Variants in PRKCQ observed in about 807,000 individuals in gnomAD.
PRKCQ encodes the protein protein kinase C theta type.
Under a neutral mutation model 91.2 loss-of-function variants are expected in PRKCQ, and 41 were observed. The observed-to-expected ratio is 0.45, with a 90% CI of 0.35 to 0.58. The LOEUF is 0.58. Among genes scored for constraint, PRKCQ ranks in the 20% least tolerant of loss-of-function variants. The pLI is 0.00. For missense variants in PRKCQ, 673 were observed against 896.5 expected (o/e 0.75, Z 3.18); for synonymous variants, 307 against 316.9 (o/e 0.97, Z 0.33).
At chr10:6,479,228 G>C in intron 11 of PRKCQ, 63 bp from the exon 12 acceptor site, 2 of 1,574,704 alleles carry the variant, frequency 1.3e-6, no homozygotes, top group Admixed American at 3.4e-5. Context: ...TTAAAAAAGA[G>C]ACAGAGTCCT....
chr10:6,514,376 A>G (rs1011752810), intron 2 of PRKCQ, among the ~76,000 whole-genome samples: 3 of 152,090 alleles, frequency 2.0e-5, no homozygotes, highest in African/African-American at 7.2e-5. Context: ...CATTCCCTAC[A>G]CATAAGACTG....
At chr10:6,498,252 C>T in intron 5 of PRKCQ, 144 bp downstream of exon 5, 1 of 1,059,144 alleles carries the variant, frequency 9.4e-7, no homozygotes, top group Non-Finnish European at 1.4e-6. Context: ...TGAACCTTCT[C>T]AGTTCAGGCA....
the PRKCQ span, among the ~76,000 whole-genome samples, chr10:6,403,519 C>T: frequency 2.0e-5 from 3 of 152,168 alleles, no homozygotes; most frequent in East Asian, 1.9e-4. Flanking sequence ...GGCTCACTCT[C>T]AGGTTTCTGC....
intron 4 of PRKCQ, among the ~76,000 whole-genome samples, chr10:6,502,180 C>T (rs545156131): frequency 9.9e-5 from 15 of 152,254 alleles, no homozygotes; most frequent in African/African-American, 3.1e-4. Context: ...TGTGTCAGAA[C>T]AGAGGTATTC....
chr10:6,443,054 G>A (rs1252552565), intron 15 of PRKCQ, among the ~76,000 whole-genome samples: 1 of 152,194 alleles, frequency 6.6e-6, no homozygotes, highest in African/African-American at 2.4e-5. Flanking sequence ...GAGTCTATCT[G>A]TTAGGGAGGA....
chr10:6,510,672 G>T (rs1457537166), intron 3 of PRKCQ, among the ~76,000 whole-genome samples: 1 of 152,162 alleles, frequency 6.6e-6, no homozygotes, highest in African/African-American at 2.4e-5. Context: ...CAACTGGATT[G>T]ATAGACAAAA....
chr10:6,524,672 T>C (rs954298636), intron 1 of PRKCQ, among the ~76,000 whole-genome samples: 63 of 152,336 alleles, frequency 4.1e-4, no homozygotes, highest in African/African-American at 1.4e-3. Flanking sequence ...AAATAACTTC[T>C]GATGTTGAAT....
At chr10:6,552,488 CAG>C (rs1401547369) in intron 1 of PRKCQ, among the ~76,000 whole-genome samples, 7 of 147,002 alleles carry the variant, frequency 4.8e-5, no homozygotes, top group South Asian at 4.3e-4. Flanking sequence ...TCTTTCTAGA[CAG>C]AGTCTTGCTC....
At chr10:6,525,302 G>T (rs1259167869) in intron 1 of PRKCQ, among the ~76,000 whole-genome samples, 1 of 152,082 alleles carries the variant, frequency 6.6e-6, no homozygotes. Flanking sequence ...AAAAGGCTGG[G>T]CATGGTGGCT....
the PRKCQ span, among the ~76,000 whole-genome samples, chr10:6,407,180 A>G: frequency 2.6e-5 from 4 of 152,132 alleles, no homozygotes; most frequent in Non-Finnish European, 4.4e-5. This position sits in a 1 kb window ranked among gnomAD's most constrained non-coding sequence, Gnocchi z 4.0. Context: ...GGCTGGAGAC[A>G]TGAGACAGAG....
Position 6,442,077 on chromosome 10 carries a change from A to G in PRKCQ, c.1652T>C (p.Leu551Ser). Residue 551 changes from leucine to serine, a missense_variant, in exon 16 of 18, where the codon TTG becomes TCG. Physicochemically the swap from Leu to Ser is moderately radical, Grantham distance 145. Coordinates refer to ENST00000263125, the MANE Select transcript of PRKCQ (RefSeq NM_006257.5). The stretch of plus-strand genomic sequence containing the variant: ...AGAGTGGTTGTATTTCTGACCCAGC[A>G]AGATCTGCACAACCAAAAGGCAGAC... ...GTPDYIAPEI[L>S]LGQKYNHSVD... 6.2e-7 allele frequency: 1 copy of G among 1,610,906 alleles called. No individual in the cohort carries two copies. The highest frequency in any genetic ancestry group is 8.5e-7 in the Non-Finnish European group (1 of 1,177,424).
the PRKCQ span, among the ~76,000 whole-genome samples, chr10:6,408,046 G>GTTTTTT: frequency 5.9e-5 from 5 of 84,228 alleles, no homozygotes; most frequent in African/African-American, 2.2e-4. Flanking sequence ...TCTTGTGTCA[G>GTTTTTT]TTTTTTTTTT....
At chr10:6,411,941 T>C in the PRKCQ span, among the ~76,000 whole-genome samples, 1 of 152,254 alleles carries the variant, frequency 6.6e-6, no homozygotes, top group Non-Finnish European at 1.5e-5. Context: ...AAGTATTTGA[T>C]AGATACTAAG....
the PRKCQ span, among the ~76,000 whole-genome samples, chr10:6,417,615 C>T: frequency 6.6e-6 from 1 of 152,286 alleles, no homozygotes; most frequent in African/African-American, 2.4e-5. Context: ...GCATCTTCCC[C>T]GATGGTGGCT....
chr10:6,415,069 T>C, the PRKCQ span, among the ~76,000 whole-genome samples: 1 of 152,168 alleles, frequency 6.6e-6, no homozygotes, highest in Non-Finnish European at 1.5e-5. Flanking sequence ...TTCAAGCTAT[T>C]CTCCAGCTTC....
chr10:6,451,544 A>AG (rs981427316), intron 15 of PRKCQ, among the ~76,000 whole-genome samples: 6 of 152,212 alleles, frequency 3.9e-5, no homozygotes, highest in African/African-American at 1.4e-4. Flanking sequence ...TCCACTAAAT[A>AG]GAAAAAAAGG....
chr10:6,522,128 G>C (rs559640551), intron 1 of PRKCQ, among the ~76,000 whole-genome samples: 9 of 152,160 alleles, frequency 5.9e-5, no homozygotes, highest in Non-Finnish European at 1.2e-4. Flanking sequence ...TTTTAGTAGA[G>C]ACTGGGTTTC....
chr10:6,424,217 G>C (rs1444382860), downstream of PRKCQ, among the ~76,000 whole-genome samples: 4 of 152,158 alleles, frequency 2.6e-5, no homozygotes, highest in African/African-American at 7.2e-5. Flanking sequence ...AAATCTCAGA[G>C]GTCCCATGAC....
chr10:6,566,370 T>C (rs1195832067), intron 1 of PRKCQ, among the ~76,000 whole-genome samples: 1 of 152,174 alleles, frequency 6.6e-6, no homozygotes, highest in Non-Finnish European at 1.5e-5. Context: ...TATCCACTTC[T>C]TTCCCACTCC....
Sources: gnomAD v4.1 joint callset for allele counts (sites outside exome capture counted in the v4.1 genomes callset) on GRCh38, gnomAD v4.1.1 for gene constraint, Gnocchi (gnomAD v3.1) non-coding constraint, MANE v1.5 for transcripts, NCBI Gene and HGNC (gene_info 2026-07-23, HGNC 2026-07-21) for gene names.